GABRG1: variants seen among roughly 807,000 people sequenced by gnomAD.
GABRG1 encodes the protein gamma-aminobutyric acid receptor subunit gamma-1.
A neutral mutation model predicts 49.8 loss-of-function variants in GABRG1; 49 were observed. The ratio of observed to expected loss-of-function variants is 0.98; its 90% CI spans 0.78 to 1.25. GABRG1 has a LOEUF of 1.25. Ranked by LOEUF, GABRG1 falls within the 50% of genes most tolerant of loss-of-function variation. The pLI, the probability that GABRG1 is intolerant of heterozygous loss-of-function variation, is 0.00. For synonymous variants in GABRG1, 232 were observed against 185.1 expected (o/e 1.25, Z -2.06); for missense variants, 552 against 552.3 (o/e 1.00, Z 0.01).
chr4:46,081,694 A>T (rs553726900), intron 3 of GABRG1, among the ~76,000 whole-genome samples: 1 of 151,694 alleles, frequency 6.6e-6, no homozygotes, highest in East Asian at 1.9e-4. Flanking sequence ...TATGGGCTGA[A>T]CCCCCTAAAT....
chr4:46,056,345 G>A (rs994469616), intron 7 of GABRG1, among the ~76,000 whole-genome samples: 1 of 151,910 alleles, frequency 6.6e-6, no homozygotes, highest in African/African-American at 2.4e-5. Context: ...TGGCATAGCA[G>A]GAAGATCTGG....
rs1390864623 is a variant in GABRG1 at position 46,110,140 on chromosome 4, T to C, written c.105-12791A>G. Among the ~76,000 whole-genome samples, 3 of 151,090 alleles carry C rather than the reference T, an allele frequency of 2.0e-5. No individual in the cohort carries two copies. The Admixed American group carries it at 2.0e-4, about 10-fold the overall frequency. On this transcript the variant is annotated intron_variant, in intron 1 of 8. Transcript: ENST00000295452. ...GTTGAAATCTTCAACTATGATTGGG[T>C]GACTGTCTAAATGTTTTTGTAGTTC...
intron 1 of GABRG1, among the ~76,000 whole-genome samples, chr4:46,105,963 C>T (rs1175228978): frequency 6.6e-6 from 1 of 151,428 alleles, no homozygotes; most frequent in South Asian, 2.1e-4. Context: ...TTATTTTCTT[C>T]TCCAGGTTCC....
intron 1 of GABRG1, among the ~76,000 whole-genome samples, chr4:46,112,593 C>G (rs1023453924): frequency 6.6e-6 from 1 of 150,974 alleles, no homozygotes; most frequent in African/African-American, 2.4e-5. Context: ...TGATAGGTGC[C>G]CATTAGTGGT....
chr4:46,122,813 T>G (rs1721127837), intron 1 of GABRG1, among the ~76,000 whole-genome samples: 1 of 152,114 alleles, frequency 6.6e-6, no homozygotes, highest in Non-Finnish European at 1.5e-5. Context: ...AGTTACTTTT[T>G]TAATAATGTA....
At chr4:46,044,517 G>A (rs770237464) in intron 8 of GABRG1, among the ~76,000 whole-genome samples, 3 of 152,006 alleles carry the variant, frequency 2.0e-5, no homozygotes, top group Non-Finnish European at 4.4e-5. Context: ...GTGAATCTTG[G>A]TGACGAGGAG....
rs768281552 is a variant in GABRG1, at chr4:46,058,376, G to GA, written c.764-8dup. 40 of 1,596,526 alleles carry GA rather than the reference G, an allele frequency of 2.5e-5. No homozygotes were observed. Among genetic ancestry groups the GA allele is most frequent in the African/African-American group, 6.8e-5 (5 of 73,476 alleles). ...GTCATGATAACATAATCCCCTGTAA[G>GA]AAAAAAAAGTTTTATTTTGGCTATA... On this transcript the variant is annotated splice_region_variant and splice_polypyrimidine_tract_variant and intron_variant, in intron 6 of 8. Transcript: ENST00000295452.
intron 3 of GABRG1, among the ~76,000 whole-genome samples, chr4:46,076,321 T>G (rs1719323467): frequency 7.4e-6 from 1 of 135,612 alleles, no homozygotes; most frequent in Admixed American, 7.8e-5. Flanking sequence ...TCTCCTAACA[T>G]GACAAAATAT....
At chr4:46,120,804 A>T (rs1340271815) in intron 1 of GABRG1, among the ~76,000 whole-genome samples, 1 of 151,816 alleles carries the variant, frequency 6.6e-6, no homozygotes, top group Non-Finnish European at 1.5e-5. Flanking sequence ...GTTCTGAAAA[A>T]AGAAAATTGT....
chr4:46,111,304 A>G (rs1235831625), intron 1 of GABRG1, among the ~76,000 whole-genome samples: 2 of 151,186 alleles, frequency 1.3e-5, no homozygotes, highest in South Asian at 4.1e-4. Flanking sequence ...AAAGATCTCT[A>G]CAAGCAGAAC....
At chr4:46,120,870 T>C (rs1454946938) in intron 1 of GABRG1, among the ~76,000 whole-genome samples, 2 of 151,788 alleles carry the variant, frequency 1.3e-5, no homozygotes, top group Admixed American at 1.3e-4. Flanking sequence ...TTATTGTAGG[T>C]TACTTTTGGT....
Position 46,084,001 on chromosome 4 carries a change from A to AACTG in GABRG1, c.302_305dup (p.Asp103SerfsTer2). 6.4e-7 allele frequency: 1 copy of AACTG among 1,569,338 alleles called. No homozygotes were observed. Among genetic ancestry groups the AACTG allele is most frequent in the Non-Finnish European group, 8.7e-7 (1 of 1,146,942 alleles). On this transcript the variant is annotated frameshift_variant, in exon 3 of 9. Coordinates refer to ENST00000295452, the MANE Select transcript of GABRG1 (RefSeq NM_173536.4). LOFTEE classifies it high-confidence loss of function. Reference sequence around the variant, plus strand: ...TCTTACTTACCATATTAATTGGATCAACTGGTCCAATGCTGTTTACATAAA... The same window carrying AACTG: ...TCTTACTTACCATATTAATTGGATCAACTGACTGGTCCAATGCTGTTTACATAAA...
At chr4:46,086,019 C>T (rs1047830025) in intron 2 of GABRG1, among the ~76,000 whole-genome samples, 1 of 151,324 alleles carries the variant, frequency 6.6e-6, no homozygotes, top group Non-Finnish European at 1.5e-5. Flanking sequence ...CTCTTTTTTG[C>T]AATAGCATAA....
In GABRG1 at chr4:46,037,952, T is replaced by C. The variant is rs1444613509; in HGVS notation, c.*3036A>G. On this transcript the variant is annotated 3_prime_UTR_variant, in exon 9 of 9. Transcript: ENST00000295452. ...CTTGAGACAAAAACATTGTCTATTT[T>C]ATGATGATATACTAATGCCAGAATA... 1 of 151,734 alleles carries C rather than the reference T, an allele frequency of 6.6e-6. No homozygotes were observed. The highest frequency in any genetic ancestry group is 1.5e-5 in the Non-Finnish European group (1 of 67,756). The allele number at this position is 151,734 out of a possible 1,614,324, so 9.4% of individuals were successfully genotyped here.
intron 7 of GABRG1, among the ~76,000 whole-genome samples, chr4:46,056,162 A>AAAAAAAAAAAAAAAAAAAC (rs1718434665): frequency 3.0e-5 from 1 of 32,800 alleles, no homozygotes; most frequent in Non-Finnish European, 5.5e-5. Flanking sequence ...AAAAAAAAAA[A>AAAAAAAAAAAAAAAAAAAC]AAAAAAAAAA....
At chr4:46,069,769 C>T (rs901219193) in intron 3 of GABRG1, among the ~76,000 whole-genome samples, 13 of 151,366 alleles carry the variant, frequency 8.6e-5, no homozygotes, top group East Asian at 1.9e-4. Flanking sequence ...TTTACAAAGA[C>T]GAAAATGGAA....
At chr4:46,113,870 A>G (rs954869287) in intron 1 of GABRG1, among the ~76,000 whole-genome samples, 6 of 151,074 alleles carry the variant, frequency 4.0e-5, no homozygotes, top group African/African-American at 1.5e-4. Context: ...CAAGTTAGGT[A>G]GTATTTATTT....
At chr4:46,059,398 T>G (rs1394569277) in intron 5 of GABRG1, among the ~76,000 whole-genome samples, 2 of 152,020 alleles carry the variant, frequency 1.3e-5, no homozygotes, top group African/African-American at 4.8e-5. Context: ...TTCTCCTTTT[T>G]TTTTTTTAGA....
rs1334753115 is a variant in GABRG1, at chr4:46,038,555, T to C, written c.*2433A>G. 6.6e-6 allele frequency: 1 copy of C among 151,634 alleles called. No individual in the cohort carries two copies. The highest frequency in any genetic ancestry group is 1.5e-5 in the Non-Finnish European group (1 of 67,694). 9.4% of individuals were successfully genotyped at this position (151,634 alleles called of 1,614,324 possible). ...ACTCCCCAGAGAAAGAGGAAGATTT[T>C]TTAAAAAAATTATTTCTCAAGGTGG... On this transcript the variant is annotated 3_prime_UTR_variant, in exon 9 of 9. Coordinates refer to ENST00000295452, the MANE Select transcript of GABRG1 (RefSeq NM_173536.4).
Sources: gnomAD v4.1 joint callset for allele counts (sites outside exome capture counted in the v4.1 genomes callset) on GRCh38, gnomAD v4.1.1 for gene constraint, MANE v1.5 for transcripts, NCBI Gene and HGNC (gene_info 2026-07-23, HGNC 2026-07-21) for gene names.